ASTN2: variants seen among roughly 807,000 people sequenced by gnomAD.
ASTN2 encodes astrotactin 2, also known as astrotactin-2.
Under a neutral mutation model 139.8 loss-of-function variants are expected in ASTN2, and 54 were observed. That is an observed-to-expected ratio of 0.39 (90% CI 0.31 to 0.48). The LOEUF (loss-of-function observed/expected upper bound fraction) is 0.48, where lower values mean the gene tolerates loss of function less well. ASTN2 is among the 20% of genes least tolerant of loss of function. The probability of loss-of-function intolerance (pLI) is 0.95; values close to 1 mark genes in which losing one functional copy is unlikely to be tolerated. For missense variants in ASTN2, 1,565 were observed against 1,725.1 expected (o/e 0.91, Z 1.64); for synonymous variants, 756 against 719.5 (o/e 1.05, Z -0.81).
At chr9:116,861,891 G>C (rs977224237) in intron 11 of ASTN2, among the ~76,000 whole-genome samples, 2 of 152,112 alleles carry the variant, frequency 1.3e-5, no homozygotes, top group African/African-American at 4.8e-5. Flanking sequence ...CTAAGATAAG[G>C]AGGGGGATTC....
chr9:117,071,699 G>A (rs568178381), intron 5 of ASTN2, among the ~76,000 whole-genome samples: 1 of 146,030 alleles, frequency 6.8e-6, no homozygotes, highest in Admixed American at 6.7e-5. Flanking sequence ...CCAGGTGTGG[G>A]ATATAGTCTC....
At chr9:116,898,581 T>C (rs903240350) in intron 10 of ASTN2, among the ~76,000 whole-genome samples, 1 of 152,352 alleles carries the variant, frequency 6.6e-6, no homozygotes, top group Non-Finnish European at 1.5e-5. Flanking sequence ...TCTGTCTGGA[T>C]CATAAATTTG....
At position 116,473,435 on chromosome 9, in the gene ASTN2, C is replaced by T. The variant is rs568650054; in HGVS notation, c.3497+13924G>A. Among the ~76,000 whole-genome samples the T allele has an allele frequency of 3.3e-4, 51 of 152,292 alleles. 1 individual carries two copies. The highest frequency in any genetic ancestry group is 8.5e-4 in the Admixed American group (13 of 15,296). Reference sequence around the variant, plus strand: ...AAAAAGAGAGGGAGGAAAGGCATCTCTTGTTACGTCAGATGATGGGGGAAA... The same window carrying T: ...AAAAAGAGAGGGAGGAAAGGCATCTTTTGTTACGTCAGATGATGGGGGAAA... On this transcript the variant is annotated intron_variant, in intron 20 of 22. Coordinates refer to ENST00000313400, the MANE Select transcript of ASTN2 (RefSeq NM_001365068.1).
chr9:116,603,802 T>C (rs942460548), intron 19 of ASTN2, among the ~76,000 whole-genome samples: 11 of 152,094 alleles, frequency 7.2e-5, no homozygotes, highest in Admixed American at 5.9e-4. Flanking sequence ...TCTCTTGGCG[T>C]CTCTAACGGG....
chr9:116,968,300 A>G (rs922570483), intron 10 of ASTN2, among the ~76,000 whole-genome samples: 2 of 152,132 alleles, frequency 1.3e-5, no homozygotes, highest in Non-Finnish European at 2.9e-5. Flanking sequence ...GCACCTGAAG[A>G]TGTATGGCCC....
chr9:116,785,790 C>T (rs1434771660), intron 13 of ASTN2, among the ~76,000 whole-genome samples: 1 of 152,170 alleles, frequency 6.6e-6, no homozygotes, highest in Non-Finnish European at 1.5e-5. Flanking sequence ...AATCCACAGT[C>T]GTCTGACATC....
intron 1 of ASTN2, among the ~76,000 whole-genome samples, chr9:117,397,476 C>T (rs1322705765): frequency 3.3e-5 from 5 of 152,162 alleles, no homozygotes; most frequent in African/African-American, 4.8e-5. Flanking sequence ...TGGCAAGCAT[C>T]TTTAGGTCCT....
At position 117,091,695 on chromosome 9, in the gene ASTN2, G is replaced by C. The variant is rs531730658; in HGVS notation, c.1276+4349C>G. On this transcript the variant is annotated intron_variant, in intron 5 of 22. Transcript: ENST00000313400. Reference sequence around the variant, plus strand: ...GAGGCCCCGGGGGAGAGGTGGAGTGGGGAGGGAAGGAGCGGACAGAGCCCT... The same window carrying C: ...GAGGCCCCGGGGGAGAGGTGGAGTGCGGAGGGAAGGAGCGGACAGAGCCCT... Among the ~76,000 whole-genome samples, 67 of 152,156 alleles carry C rather than the reference G, an allele frequency of 4.4e-4. 5 individuals carry two copies. Among genetic ancestry groups the C allele is most frequent in the African/African-American group, 1.5e-3 (63 of 41,530 alleles).
In ASTN2 at chr9:116,840,970, C is replaced by T. The variant is rs528797660; in HGVS notation, c.2041-20187G>A. On this transcript the variant is annotated intron_variant, in intron 11 of 22. Coordinates refer to ENST00000313400, the MANE Select transcript of ASTN2 (RefSeq NM_001365068.1). The stretch of plus-strand genomic sequence containing the variant: ...GCGGAGAAGCTCCTCACTTCCCAGA[C>T]GGGGTGGCGGCCGGGCAGAGGCTGC... 3.3e-5 allele frequency among the ~76,000 whole-genome samples: 5 copies of T among 152,018 alleles called. No individual in the cohort carries two copies. In the East Asian group the frequency reaches 5.9e-4, roughly 18 times the overall value.
chr9:116,751,145 CAGTTACTTCA>C (rs1829387737), intron 13 of ASTN2, among the ~76,000 whole-genome samples: 2 of 145,936 alleles, frequency 1.4e-5, no homozygotes, highest in Admixed American at 1.3e-4. Flanking sequence ...TCAGGAGCCT[CAGTTACTTCA>C]CTCATAAAAT....
intron 7 of ASTN2, among the ~76,000 whole-genome samples, chr9:116,995,510 G>A (rs539366279): frequency 2.6e-5 from 4 of 152,226 alleles, no homozygotes; most frequent in East Asian, 1.9e-4. Context: ...TGGGTATGAG[G>A]AAAAAGCAGT....
chr9:116,709,073 G>A (rs778046907), intron 16 of ASTN2, among the ~76,000 whole-genome samples: 3 of 152,194 alleles, frequency 2.0e-5, no homozygotes, highest in Non-Finnish European at 2.9e-5. Flanking sequence ...CTGGAAACAG[G>A]CTGGTTGTCA....
chr9:116,699,756 T>C lies in ASTN2; in HGVS notation c.2806+26015A>G, dbSNP rs955524991. 5.0e-6 allele frequency: 8 copies of C among 1,613,156 alleles called. No individual in the cohort carries two copies. The South Asian group carries it at 8.8e-5, about 18-fold the overall frequency. Reference sequence around the variant, plus strand: ...GCTCCCAAGCCAACTTCCCTTCCCTTAGTTCTTGGTTGTTAGTGGCACATG... The same window carrying C: ...GCTCCCAAGCCAACTTCCCTTCCCTCAGTTCTTGGTTGTTAGTGGCACATG... On this transcript the variant is annotated intron_variant, in intron 16 of 22. Coordinates refer to ENST00000313400, the MANE Select transcript of ASTN2 (RefSeq NM_001365068.1). The surrounding 1 kb of genome is among the most constrained non-coding windows in gnomAD (Gnocchi z 4.2).
intron 6 of ASTN2, among the ~76,000 whole-genome samples, chr9:117,033,241 T>C (rs1242756265): frequency 6.6e-6 from 1 of 152,162 alleles, no homozygotes; most frequent in Non-Finnish European, 1.5e-5. Flanking sequence ...TCTTCCCCTC[T>C]CTTCTACAGC....
At chr9:117,182,261 C>T (rs992563907) in intron 3 of ASTN2, among the ~76,000 whole-genome samples, 1 of 151,870 alleles carries the variant, frequency 6.6e-6, no homozygotes, top group African/African-American at 2.4e-5. Context: ...AAGATTTCAC[C>T]CAAGTCCCAG....
intron 5 of ASTN2, among the ~76,000 whole-genome samples, chr9:117,060,344 G>GAGAGAA (rs1839213331): frequency 3.4e-5 from 2 of 58,894 alleles, no homozygotes; most frequent in African/African-American, 1.6e-4. Context: ...GAAAGAAAGA[G>GAGAGAA]AGAAAGAAAG....
chr9:117,093,448 G>T (rs1374069410), intron 5 of ASTN2, among the ~76,000 whole-genome samples: 1 of 151,998 alleles, frequency 6.6e-6, no homozygotes, highest in Non-Finnish European at 1.5e-5. Flanking sequence ...GCCAGTAAGT[G>T]GGGGGGCTGG....
chr9:117,171,650 T>C (rs1037282024), intron 3 of ASTN2, among the ~76,000 whole-genome samples: 10 of 152,032 alleles, frequency 6.6e-5, no homozygotes, highest in African/African-American at 2.4e-4. Context: ...TGAGATCTGA[T>C]GGTTTTACAA....
chr9:116,966,810 G>T (rs1421939364), intron 10 of ASTN2, among the ~76,000 whole-genome samples: 2 of 151,666 alleles, frequency 1.3e-5, no homozygotes, highest in Non-Finnish European at 2.9e-5. Flanking sequence ...TTCCCCATTT[G>T]ATATTTCACC....
Sources: allele counts gnomAD v4.1 joint callset (sites outside exome capture counted in the v4.1 genomes callset), GRCh38; gene constraint gnomAD v4.1.1; non-coding constraint Gnocchi (gnomAD v3.1); transcripts MANE v1.5; gene names NCBI Gene and HGNC (gene_info 2026-07-23, HGNC 2026-07-21).